ZSCAN5A: variants seen among roughly 807,000 people sequenced by gnomAD.
The protein encoded by ZSCAN5A is zinc finger and SCAN domain containing 5A.
ZSCAN5A carries 12 observed loss-of-function variants against 23.7 expected under a neutral mutation model. That is an observed-to-expected ratio of 0.51 (90% CI 0.32 to 0.82). ZSCAN5A has a LOEUF of 0.82. ZSCAN5A is among the 40% of genes least tolerant of loss of function. The probability of loss-of-function intolerance (pLI) is 0.03; values close to 1 mark genes in which losing one functional copy is unlikely to be tolerated. For missense variants in ZSCAN5A, 597 were observed against 617.9 expected, an observed-to-expected ratio of 0.97 and a Z score of 0.36; for synonymous variants, 257 against 239.9, an observed-to-expected ratio of 1.07 and a Z score of -0.66.
intron 2 of ZSCAN5A, chr19:56,320,068 C>T: frequency 1.3e-6 from 1 of 779,418 alleles, no homozygotes; most frequent in Non-Finnish European, 2.4e-6. Context: ...TACAAAATCT[C>T]TTCTTATACC....
At position 56,231,996 on chromosome 19, in the gene ZSCAN5A, C is replaced by CTTTCTTTTTTTT. The variant is rs756356708; in HGVS notation, c.-127-6824_-127-6823insAAAAAAAAGAAA. On this transcript the variant is annotated intron_variant, in intron 2 of 5. Transcript: ENST00000683990. Reference sequence around the variant, plus strand: ...TCTTTTTTCTTTCTTTTTTTCTTTTCTTTTTTTTTGAGACAGTGTCTTGCT... The same window carrying CTTTCTTTTTTTT: ...TCTTTTTTCTTTCTTTTTTTCTTTTCTTTCTTTTTTTTTTTTTTTTTGAGACAGTGTCTTGCT... Among the ~76,000 whole-genome samples the CTTTCTTTTTTTT allele has an allele frequency of 1.4e-4, 17 of 124,986 alleles. 1 individual carries two copies. The highest frequency in any genetic ancestry group is 3.6e-4 in the African/African-American group (12 of 33,284). 82.0% of individuals were successfully genotyped at this position (124,986 alleles called of 152,430 possible). A position where few individuals can be genotyped will look rare whatever the true frequency, so the allele number is the denominator to read the frequency against.
chr19:56,343,088 C>G, intron 2 of ZSCAN5A: 2 of 780,778 alleles, frequency 2.6e-6, no homozygotes, highest in Non-Finnish European at 4.7e-6. Context: ...ATGCAGAGGG[C>G]GGCCTTCGGG....
At chr19:56,322,088 T>C in intron 2 of ZSCAN5A, 1 of 763,800 alleles carries the variant, frequency 1.3e-6, no homozygotes, top group South Asian at 1.4e-5. Flanking sequence ...TCTCCTCCCA[T>C]AACAAGGATA....
At chr19:56,364,449 C>T (rs924658038) in intron 1 of ZSCAN5A, among the ~76,000 whole-genome samples, 5 of 152,064 alleles carry the variant, frequency 3.3e-5, no homozygotes, top group African/African-American at 4.8e-5. Flanking sequence ...ATTGAAAGAA[C>T]GACAATATAA....
chr19:56,312,172 T>A (rs1176971222), intron 2 of ZSCAN5A: 2 of 152,234 alleles, frequency 1.3e-5, no homozygotes, highest in African/African-American at 4.8e-5. Context: ...TATTTTTCAC[T>A]TATGGCACAT....
chr19:56,269,970 G>C (rs2037731673), intron 2 of ZSCAN5A, among the ~76,000 whole-genome samples: 1 of 152,118 alleles, frequency 6.6e-6, no homozygotes, highest in Non-Finnish European at 1.5e-5. Flanking sequence ...AGAAACTCAG[G>C]CCAGCCGTAG....
In ZSCAN5A at chr19:56,244,127, C is replaced by T. The variant is rs563078753; in HGVS notation, c.-127-18954G>A. ...AGAGCCGCCACAGTCTGTGGCTTCC[C>T]CAGAAACTCAACTTGGAAATCATGA... is the stretch of plus-strand genomic sequence containing the variant. On this transcript the variant is annotated intron_variant, in intron 2 of 5. Transcript: ENST00000683990. 2.6e-4 allele frequency: 414 copies of T among 1,583,508 alleles called. No homozygotes were observed. The East Asian group carries it at 3.0e-3, about 11-fold the overall frequency.
intron 2 of ZSCAN5A, among the ~76,000 whole-genome samples, chr19:56,262,614 T>C (rs2037204871): frequency 6.6e-6 from 1 of 151,738 alleles, no homozygotes; most frequent in Non-Finnish European, 1.5e-5. Flanking sequence ...GTGTCTTTAG[T>C]AGAGACGGGG....
chr19:56,354,660 G>C (rs551561527), intron 2 of ZSCAN5A: 1 of 152,286 alleles, frequency 6.6e-6, no homozygotes, highest in Non-Finnish European at 1.5e-5. Context: ...GTTCACCATG[G>C]ATAGAAGTTA....
At chr19:56,343,217 G>C (rs2041608319) in intron 2 of ZSCAN5A, 1 of 787,932 alleles carries the variant, frequency 1.3e-6, no homozygotes, top group African/African-American at 1.7e-5. Context: ...TATATCCAAA[G>C]CAACTTCTTT....
intron 2 of ZSCAN5A, among the ~76,000 whole-genome samples, chr19:56,362,026 C>T (rs571597836): frequency 8.6e-5 from 13 of 151,750 alleles, no homozygotes; most frequent in African/African-American, 2.7e-4. Context: ...GGCGGGGTGG[C>T]GGGCACCTGT....
rs1012787790 is a variant in ZSCAN5A at position 56,329,006 on chromosome 19, A to AAT, written c.-357-12739_-357-12738insAT. 7.7e-4 allele frequency among the ~76,000 whole-genome samples: 112 copies of AAT among 144,600 alleles called. No individual in the cohort carries two copies. In the East Asian group the frequency reaches 0.011, roughly 14 times the overall value. 94.9% of individuals were successfully genotyped at this position (144,600 alleles called of 152,430 possible). On this transcript the variant is annotated intron_variant, in intron 2 of 6. Coordinates refer to the ZSCAN5A transcript ENST00000587340. Reference sequence around the variant, plus strand: ...CGAGACTCCGTCTCAAAAAAAAAAAAAAATAAATAAATAAATAAATAAAAG... The same window carrying AAT: ...CGAGACTCCGTCTCAAAAAAAAAAAAATAAATAAATAAATAAATAAATAAAAG...
At chr19:56,240,465 G>A (rs760689936) in intron 2 of ZSCAN5A, among the ~76,000 whole-genome samples, 3 of 152,100 alleles carry the variant, frequency 2.0e-5, no homozygotes, top group Admixed American at 6.6e-5. Context: ...ATAAATAGGC[G>A]CAGTTCAGCT....
At chr19:56,285,146 C>A in intron 2 of ZSCAN5A, 1 of 352,188 alleles carries the variant, frequency 2.8e-6, no homozygotes, top group Non-Finnish European at 4.0e-6. Context: ...ATTATCCAAG[C>A]ACATGTTTTG....
chr19:56,268,054 C>T (rs2037595461), intron 2 of ZSCAN5A, among the ~76,000 whole-genome samples: 1 of 152,232 alleles, frequency 6.6e-6, no homozygotes, highest in Admixed American at 6.5e-5. Flanking sequence ...CCTGAAACTT[C>T]TGACCCATTG....
intron 2 of ZSCAN5A, among the ~76,000 whole-genome samples, chr19:56,263,034 A>C (rs2037234830): frequency 1.3e-5 from 2 of 152,200 alleles, no homozygotes; most frequent in African/African-American, 4.8e-5. Context: ...CTGAACATAG[A>C]GACACTTGGT....
intron 3 of ZSCAN5A, chr19:56,224,220 T>A (rs2033653151): frequency 1.2e-5 from 3 of 254,248 alleles, no homozygotes; most frequent in South Asian, 8.0e-5. Flanking sequence ...TACCAACCAC[T>A]TTCCCTGCTT....
chr19:56,326,530 T>C lies in ZSCAN5A; in HGVS notation c.-357-10262A>G, dbSNP rs79043322. 2.6e-4 allele frequency among the ~76,000 whole-genome samples: 40 copies of C among 152,042 alleles called. No homozygotes were observed. The East Asian group carries it at 7.3e-3, about 28-fold the overall frequency. On this transcript the variant is annotated intron_variant, in intron 2 of 6. Transcript: ENST00000587340. The stretch of plus-strand genomic sequence containing the variant: ...GCCATTCTACTCTCTGTTACTACTC[T>C]CTGAGTTTGACTTTTTAATATTCCA...
chr19:56,224,854 G>A lies in ZSCAN5A; in HGVS notation c.193C>T (p.Leu65Phe). The A allele has an allele frequency of 6.2e-7, 1 of 1,613,962 alleles. No homozygotes were observed. Among genetic ancestry groups the A allele is most frequent in the Non-Finnish European group, 8.5e-7 (1 of 1,179,910 alleles). The change falls in exon 3 of 6, where the codon CTC (leucine) becomes TTC (phenylalanine). Residue 65 changes from leucine to phenylalanine, a missense_variant. Coordinates refer to ENST00000683990, the MANE Select transcript of ZSCAN5A (RefSeq NM_001322064.3). ...ESDPIQALRK[L>F]TELCHLWLRP... ...AGCCACAGATGGCACAGCTCAGTGA[G>A]TTTCCTCAGAGCCTGGATGGGGTCC...
Sources: allele counts gnomAD v4.1 joint callset (sites outside exome capture counted in the v4.1 genomes callset), GRCh38; gene constraint gnomAD v4.1.1; transcripts MANE v1.5; gene names NCBI Gene and HGNC (gene_info 2026-07-23, HGNC 2026-07-21).